Variants in PCDHA5 observed in about 807,000 individuals in gnomAD.
PCDHA5 encodes protocadherin alpha-5.
In PCDHA5, 43 loss-of-function variants were observed where a neutral mutation model predicts 61.6. The ratio of observed to expected loss-of-function variants is 0.70; its 90% CI spans 0.55 to 0.90. The LOEUF (loss-of-function observed/expected upper bound fraction) is 0.90. Among genes scored for constraint, PCDHA5 ranks in the 40% least tolerant of loss-of-function variants. PCDHA5 has a pLI of 0.00. For missense variants in PCDHA5, 1,298 were observed against 1,222.7 expected (o/e 1.06, Z -0.92); for synonymous variants, 627 against 543.9 (o/e 1.15, Z -2.13).
At chr5:140,938,424 T>C (rs960926721) in intron 1 of PCDHA5, among the ~76,000 whole-genome samples, 1 of 152,204 alleles carries the variant, frequency 6.6e-6, no homozygotes, top group African/African-American at 2.4e-5. Flanking sequence ...TTTGCAAAAA[T>C]CCTTTATCAG....
At chr5:140,835,389 G>T (rs2150234834) in intron 1 of PCDHA5, 2 of 1,613,958 alleles carry the variant, frequency 1.2e-6, no homozygotes, top group Admixed American at 1.7e-5. Context: ...TCATTGTACA[G>T]TTCTTGTGGA....
rs1012749061 is a variant in PCDHA5 at position 141,011,525 on chromosome 5, C to T, written c.*1588C>T. Reference sequence around the variant, plus strand: ...AAAAGTGGAGTAGTGTTTTTTTAACCATTGTTAATCAGCTTTTGTGTATGA... The same window carrying T: ...AAAAGTGGAGTAGTGTTTTTTTAACTATTGTTAATCAGCTTTTGTGTATGA... On this transcript the variant is annotated 3_prime_UTR_variant, in exon 4 of 4. Coordinates refer to ENST00000529859, the MANE Select transcript of PCDHA5 (RefSeq NM_018908.3). 11 of 153,568 alleles carry T rather than the reference C, an allele frequency of 7.2e-5. No individual in the cohort carries two copies. The Admixed American group carries it at 7.2e-4, about 10-fold the overall frequency. 9.5% of individuals were successfully genotyped at this position (153,568 alleles called of 1,614,324 possible).
intron 1 of PCDHA5, among the ~76,000 whole-genome samples, chr5:140,975,611 A>C (rs191363875): frequency 7.0e-4 from 106 of 152,356 alleles, no homozygotes; most frequent in African/African-American, 2.4e-3. Flanking sequence ...GATGTCTTCC[A>C]CATGGATTTC....
Position 140,863,430 on chromosome 5 carries a change from A to G in PCDHA5, c.2352+39303A>G, listed in dbSNP as rs782084592. ...CGCTGGTGTACCGCAGCGTAGTGGG[A>G]TCTGGTCTTACTCGCAGCAAAGGAG... On this transcript the variant is annotated intron_variant, in intron 1 of 3. Coordinates refer to ENST00000529859, the MANE Select transcript of PCDHA5 (RefSeq NM_018908.3). The G allele has an allele frequency of 4.5e-5, 29 of 647,180 alleles. 1 individual carries two copies. In the Admixed American group the frequency reaches 5.6e-4, roughly 13 times the overall value. The allele number at this position is 647,180 out of a possible 1,614,324, so 40.1% of individuals were successfully genotyped here. A position where few individuals can be genotyped will look rare whatever the true frequency, so the allele number is the denominator to read the frequency against.
chr5:140,912,500 T>C (rs1554195386), intron 1 of PCDHA5, among the ~76,000 whole-genome samples: 1 of 152,204 alleles, frequency 6.6e-6, no homozygotes, highest in Non-Finnish European at 1.5e-5. Flanking sequence ...TAGGAGCTTT[T>C]TGGATGAATC....
At position 140,823,987 on chromosome 5, in the gene PCDHA5, C is replaced by T; in HGVS notation, c.2212C>T (p.Leu738=). ...EAVCTRGKPT[L]LCSSAVGSWS... is the part of the protein sequence containing the mutation. ...CGTGTGCACACGGGGCAAGCCCACTCTGTTGTGCTCCAGCGCGGTGGGGAG... is the reference window on the plus strand; with the variant it reads ...CGTGTGCACACGGGGCAAGCCCACTTTGTTGTGCTCCAGCGCGGTGGGGAG... The change falls in exon 1 of 4, where the codon CTG becomes TTG. Residue 738 remains leucine (L), a synonymous_variant. Coordinates refer to ENST00000529859, the MANE Select transcript of PCDHA5 (RefSeq NM_018908.3). 2 of 1,614,204 alleles carry T rather than the reference C, an allele frequency of 1.2e-6. No homozygotes were observed. Among genetic ancestry groups the T allele is most frequent in the Non-Finnish European group, 1.7e-6 (2 of 1,180,018 alleles).
At chr5:140,883,388 G>T (rs2059587175) in intron 1 of PCDHA5, 2 of 1,614,164 alleles carry the variant, frequency 1.2e-6, no homozygotes, top group Non-Finnish European at 1.7e-6. Context: ...CCTAATCAGT[G>T]TGTCCGATCG....
rs1291498310 is a variant in PCDHA5, at chr5:140,946,680, G to A, written c.2353-32269G>A. Among the ~76,000 whole-genome samples, 6 of 145,092 alleles carry A rather than the reference G, an allele frequency of 4.1e-5. No homozygotes were observed. In the East Asian group the frequency reaches 9.9e-4, roughly 24 times the overall value. On this transcript the variant is annotated intron_variant, in intron 1 of 3. Coordinates refer to ENST00000529859, the MANE Select transcript of PCDHA5 (RefSeq NM_018908.3). ...TAGAAAGAATGAAATCCTGTCATTCGTGACAATATGGATGAATCTGGAGGT... is the reference window on the plus strand; with the variant it reads ...TAGAAAGAATGAAATCCTGTCATTCATGACAATATGGATGAATCTGGAGGT...
At chr5:140,986,151 G>A (rs547474191) in intron 3 of PCDHA5, among the ~76,000 whole-genome samples, 1 of 152,198 alleles carries the variant, frequency 6.6e-6, no homozygotes, top group African/African-American at 2.4e-5. Flanking sequence ...GCATCACCAA[G>A]TAATGTTTTC....
chr5:140,905,611 T>A (rs1396340503), intron 1 of PCDHA5, among the ~76,000 whole-genome samples: 1 of 152,224 alleles, frequency 6.6e-6, no homozygotes, highest in African/African-American at 2.4e-5. Flanking sequence ...ATTGAATCTA[T>A]AGATTGCTTT....
chr5:140,849,171 G>A (rs1554142799), intron 1 of PCDHA5: 3 of 1,114,430 alleles, frequency 2.7e-6, no homozygotes, highest in South Asian at 1.5e-5. Context: ...GACTGGCACC[G>A]TTCAATTACT....
intron 3 of PCDHA5, among the ~76,000 whole-genome samples, chr5:140,988,678 T>G (rs190740461): frequency 6.6e-6 from 1 of 152,314 alleles, no homozygotes. Context: ...CTAAGATAAT[T>G]CTTTCCCTAG....
At chr5:140,926,982 G>A (rs1554203886) in intron 1 of PCDHA5, 1 of 1,610,398 alleles carries the variant, frequency 6.2e-7, no homozygotes, top group East Asian at 2.2e-5. Flanking sequence ...CGGAGGAGAC[G>A]GAGCGGGGCG....
At chr5:140,834,986 C>G (rs2150229667) in intron 1 of PCDHA5, 1 of 1,457,962 alleles carries the variant, frequency 6.9e-7, no homozygotes, top group Admixed American at 2.1e-5. Flanking sequence ...AACTTTTAGA[C>G]AGAGAAGAAA....
At chr5:140,941,973 C>T (rs1249999637) in intron 1 of PCDHA5, among the ~76,000 whole-genome samples, 4 of 152,068 alleles carry the variant, frequency 2.6e-5, no homozygotes, top group Admixed American at 1.3e-4. Context: ...TTTACTTTCC[C>T]TAAACCTTGA....
chr5:140,884,839 G>T, intron 1 of PCDHA5: 1 of 893,290 alleles, frequency 1.1e-6, no homozygotes, highest in Non-Finnish European at 1.6e-6. Context: ...TTATCCTTCA[G>T]AGTGAAATCT....
chr5:140,913,035 T>C (rs1277110200), intron 1 of PCDHA5, among the ~76,000 whole-genome samples: 2 of 152,242 alleles, frequency 1.3e-5, no homozygotes, highest in African/African-American at 4.8e-5. Context: ...TCATCAGATA[T>C]ATTGGCCTGG....
chr5:140,852,930 G>A (rs1581296305), intron 1 of PCDHA5: 1 of 621,568 alleles, frequency 1.6e-6, no homozygotes, highest in East Asian at 1.3e-4. Context: ...CCAGGCTGGA[G>A]TGCAGTGGTG....
chr5:140,895,905 G>A (rs987746254), intron 1 of PCDHA5, among the ~76,000 whole-genome samples: 4 of 152,076 alleles, frequency 2.6e-5, no homozygotes, highest in Admixed American at 1.3e-4. Context: ...TCCGCGTCCC[G>A]GGCTCAACAA....
Sources: allele counts gnomAD v4.1 joint callset (sites outside exome capture counted in the v4.1 genomes callset), GRCh38; gene constraint gnomAD v4.1.1; transcripts MANE v1.5; gene names NCBI Gene and HGNC (gene_info 2026-07-23, HGNC 2026-07-21).